FBXL7: variants seen among roughly 807,000 people sequenced by gnomAD.
FBXL7 encodes F-box/LRR-repeat protein 7.
A neutral mutation model predicts 38.3 loss-of-function variants in FBXL7; 12 were observed. The observed-to-expected ratio is 0.31, with a 90% CI of 0.20 to 0.51. The LOEUF is 0.51. Ranked by LOEUF, FBXL7 falls within the 20% of genes least tolerant of loss-of-function variation. The pLI is 0.98. For synonymous variants in FBXL7, 297 were observed against 300.9 expected (o/e 0.99, Z 0.13); for missense variants, 567 against 676.4 (o/e 0.84, Z 1.79).
At chr5:15,712,557 G>A (rs111799655) in intron 2 of FBXL7, among the ~76,000 whole-genome samples, 6 of 152,096 alleles carry the variant, frequency 3.9e-5, no homozygotes, top group African/African-American at 1.4e-4. Flanking sequence ...GGCAGGAAAG[G>A]CAATCTGTGA....
intron 2 of FBXL7, among the ~76,000 whole-genome samples, chr5:15,871,665 T>C (rs770752930): frequency 6.6e-6 from 1 of 152,042 alleles, no homozygotes; most frequent in African/African-American, 2.4e-5. Flanking sequence ...TACACAAGTA[T>C]CAATAGCTGA....
intron 1 of FBXL7, among the ~76,000 whole-genome samples, chr5:15,531,148 A>G (rs1737410601): frequency 6.6e-6 from 1 of 152,220 alleles, no homozygotes; most frequent in Non-Finnish European, 1.5e-5. Context: ...TATATGTCCA[A>G]AAAAGAAAGA....
intron 2 of FBXL7, among the ~76,000 whole-genome samples, chr5:15,665,376 C>G (rs1742235536): frequency 1.3e-5 from 2 of 152,164 alleles, no homozygotes; most frequent in Admixed American, 6.5e-5. Context: ...CGTGATTTCT[C>G]TCTACCTATC....
intron 2 of FBXL7, among the ~76,000 whole-genome samples, chr5:15,742,707 A>G (rs1358063946): frequency 2.6e-5 from 4 of 152,152 alleles, no homozygotes; most frequent in Non-Finnish European, 5.9e-5. Context: ...ATATGCTATT[A>G]TATTGAATTT....
chr5:15,937,387 GCATTTTGGTCAGGT>G lies in FBXL7; in HGVS notation c.*207_*220del. Reference sequence around the variant, plus strand: ...ACGAAGCAAGACAAACAGCAAACAGGCATTTTGGTCAGGTCATTTGTAGGCAGTTTCTCTTCTCA... The same window carrying G: ...ACGAAGCAAGACAAACAGCAAACAGGCATTTGTAGGCAGTTTCTCTTCTCA... On this transcript the variant is annotated 3_prime_UTR_variant, in exon 4 of 4. Transcript: ENST00000504595. 1.5e-6 allele frequency: 1 copy of G among 645,234 alleles called. No homozygotes were observed. 40.0% of individuals were successfully genotyped at this position (645,234 alleles called of 1,614,324 possible). A position where few individuals can be genotyped will look rare whatever the true frequency, so the allele number is the denominator to read the frequency against.
chr5:15,913,369 T>C (rs1337135558), intron 2 of FBXL7, among the ~76,000 whole-genome samples: 2 of 152,122 alleles, frequency 1.3e-5, no homozygotes, highest in South Asian at 2.1e-4. Context: ...CTGCACCCAC[T>C]AACGATCATA....
At chr5:15,814,225 C>T (rs1737946014) in intron 2 of FBXL7, among the ~76,000 whole-genome samples, 1 of 152,140 alleles carries the variant, frequency 6.6e-6, no homozygotes, top group Admixed American at 6.6e-5. Context: ...GGCACATATA[C>T]ACCATGGAAT....
In FBXL7 at chr5:15,674,219, G is replaced by C. The variant is rs139331408; in HGVS notation, c.127+58147G>C. Among the ~76,000 whole-genome samples the C allele has an allele frequency of 2.2e-3, 342 of 152,294 alleles. 2 individuals carry two copies. Among genetic ancestry groups the C allele is most frequent in the Middle Eastern group, 6.8e-3 (2 of 294 alleles). ...TGGGATCACGCCAGGCTCAATAAAT[G>C]GCACATATATGATGTTAATGTTATC... On this transcript the variant is annotated intron_variant, in intron 2 of 3. Coordinates refer to ENST00000504595, the MANE Select transcript of FBXL7 (RefSeq NM_012304.5).
intron 1 of FBXL7, among the ~76,000 whole-genome samples, chr5:15,610,377 C>T (rs969641535): frequency 6.6e-6 from 1 of 152,162 alleles, no homozygotes; most frequent in South Asian, 2.1e-4. Context: ...ACACCACCTC[C>T]CTCTTATCTG....
intron 2 of FBXL7, among the ~76,000 whole-genome samples, chr5:15,728,114 A>G (rs1735472524): frequency 6.6e-6 from 1 of 152,116 alleles, no homozygotes; most frequent in African/African-American, 2.4e-5. Flanking sequence ...TTGTTCATAT[A>G]TCACTCTTTG....
chr5:15,614,903 C>T lies in FBXL7; in HGVS notation c.38-1080C>T, dbSNP rs534871926. Reference sequence around the variant, plus strand: ...AAGTACTCACCTAATTAGGTCAGGCCCACCCAGAATAATATGCCTTGTCAT... The same window carrying T: ...AAGTACTCACCTAATTAGGTCAGGCTCACCCAGAATAATATGCCTTGTCAT... On this transcript the variant is annotated intron_variant, in intron 1 of 3. Transcript: ENST00000504595. 9.2e-5 allele frequency among the ~76,000 whole-genome samples: 14 copies of T among 152,254 alleles called. No individual in the cohort carries two copies. The South Asian group carries it at 2.5e-3, about 27-fold the overall frequency.
At chr5:15,912,423 C>T (rs2126426681) in intron 2 of FBXL7, among the ~76,000 whole-genome samples, 1 of 145,410 alleles carries the variant, frequency 6.9e-6, no homozygotes, top group African/African-American at 2.6e-5. Context: ...CGCCCACTGT[C>T]TGGCACTCCC....
intron 2 of FBXL7, among the ~76,000 whole-genome samples, chr5:15,755,490 A>C (rs376437550): frequency 1.0e-3 from 152 of 152,236 alleles, no homozygotes; most frequent in African/African-American, 3.4e-3. Context: ...TGTCCCATCT[A>C]TCTAATGAGT....
chr5:15,696,761 A>G (rs1282689814), intron 2 of FBXL7, among the ~76,000 whole-genome samples: 2 of 152,224 alleles, frequency 1.3e-5, no homozygotes, highest in Non-Finnish European at 2.9e-5. Context: ...TAATTCCCAG[A>G]TAGACATTGA....
At chr5:15,667,717 G>A (rs953534503) in intron 2 of FBXL7, among the ~76,000 whole-genome samples, 1 of 152,056 alleles carries the variant, frequency 6.6e-6, no homozygotes, top group Non-Finnish European at 1.5e-5. Flanking sequence ...ACCCTATCTT[G>A]TAGGCTTAAA....
intron 2 of FBXL7, among the ~76,000 whole-genome samples, chr5:15,699,482 G>C (rs761480697): frequency 6.6e-6 from 1 of 152,046 alleles, no homozygotes; most frequent in Non-Finnish European, 1.5e-5. Flanking sequence ...GAGAGAACCC[G>C]TCGTATTGGA....
At chr5:15,764,508 C>T (rs1002756997) in intron 2 of FBXL7, among the ~76,000 whole-genome samples, 4 of 152,084 alleles carry the variant, frequency 2.6e-5, no homozygotes, top group African/African-American at 9.7e-5. Flanking sequence ...CCTCTAGGAT[C>T]CATAAAGGTT....
intron 2 of FBXL7, among the ~76,000 whole-genome samples, chr5:15,805,206 G>A (rs534952343): frequency 4.1e-4 from 62 of 152,268 alleles, no homozygotes; most frequent in African/African-American, 1.2e-3. Context: ...CACATTCTGA[G>A]GTACTGGAAG....
chr5:15,650,182 T>A (rs1176290991), intron 2 of FBXL7, among the ~76,000 whole-genome samples: 1 of 152,186 alleles, frequency 6.6e-6, no homozygotes, highest in African/African-American at 2.4e-5. Context: ...TACAGGGATA[T>A]CTTAGAGATA....
Sources: allele counts gnomAD v4.1 joint callset (sites outside exome capture counted in the v4.1 genomes callset), GRCh38; gene constraint gnomAD v4.1.1; transcripts MANE v1.5; gene names NCBI Gene and HGNC (gene_info 2026-07-23, HGNC 2026-07-21).